CDH3: variants seen among roughly 807,000 people sequenced by gnomAD.
CDH3 encodes cadherin 3, also known as cadherin-3.
In CDH3, 54 loss-of-function variants were observed where a neutral mutation model predicts 82.0. That is an observed-to-expected ratio of 0.66 (90% CI 0.53 to 0.83). The LOEUF (loss-of-function observed/expected upper bound fraction) is 0.83, where lower values mean the gene tolerates loss of function less well. Among genes scored for constraint, CDH3 ranks in the 40% least tolerant of loss-of-function variants. The pLI, the probability that CDH3 is intolerant of heterozygous loss-of-function variation, is 0.00. For missense variants in CDH3, 1,054 were observed against 1,084.6 expected (o/e 0.97, Z 0.40); for synonymous variants, 446 against 437.9 (o/e 1.02, Z -0.23).
At chr16:68,732,211 T>C (rs924091108), downstream of CDH3, among the ~76,000 whole-genome samples, 1 of 152,128 alleles carries the variant, frequency 6.6e-6, no homozygotes, top group African/African-American at 2.4e-5. Flanking sequence ...GAGCCTCCTC[T>C]ACCCTACCTA....
At chr16:68,682,211 G>A in intron 8 of CDH3, 91 bp from the exon 9 acceptor site, 1 of 1,407,474 alleles carries the variant, frequency 7.1e-7, no homozygotes. Flanking sequence ...AAAGGCATGG[G>A]GATCCCCTGA....
intron 1 of CDH3, among the ~76,000 whole-genome samples, chr16:68,714,486 C>A (rs1045900524): frequency 2.0e-5 from 3 of 152,310 alleles, no homozygotes; most frequent in Non-Finnish European, 4.4e-5. Flanking sequence ...GCCAAAATGT[C>A]ATTTTTTTCC....
rs921430188 is a variant in CDH3 at position 68,699,948 on chromosome 16, C to G, written c.*1548C>G. 1.3e-5 allele frequency: 2 copies of G among 152,218 alleles called. No individual in the cohort carries two copies. Among genetic ancestry groups the G allele is most frequent in the Non-Finnish European group, 2.9e-5 (2 of 68,038 alleles). 9.4% of individuals were successfully genotyped at this position (152,218 alleles called of 1,614,324 possible). A position where few individuals can be genotyped will look rare whatever the true frequency, so the allele number is the denominator to read the frequency against. The stretch of plus-strand genomic sequence containing the variant: ...TTATTCAGTACTTTTAAAGGCCAGA[C>G]AGGACTTCGATTATTTCCTCTAAAT... On this transcript the variant is annotated 3_prime_UTR_variant, in exon 16 of 16. Coordinates refer to ENST00000264012, the MANE Select transcript of CDH3 (RefSeq NM_001793.6).
chr16:68,667,403 C>T (rs199845363), intron 2 of CDH3, among the ~76,000 whole-genome samples: 59 of 152,166 alleles, frequency 3.9e-4, no homozygotes, highest in Non-Finnish European at 7.8e-4. Flanking sequence ...TTCCTCTAGT[C>T]AAAATACCCA....
intron 2 of CDH3, among the ~76,000 whole-genome samples, chr16:68,663,683 A>G (rs1960659421): frequency 6.6e-6 from 1 of 152,022 alleles, no homozygotes; most frequent in African/African-American, 2.4e-5. Context: ...GAAGGGGCCT[A>G]AGTCTTGGTG....
chr16:68,658,221 A>G (rs999384998), intron 2 of CDH3, among the ~76,000 whole-genome samples: 5 of 152,072 alleles, frequency 3.3e-5, no homozygotes, highest in Non-Finnish European at 5.9e-5. Context: ...TAGAGAAGCT[A>G]GAACTACTGT....
chr16:68,725,141 A>G (rs1478177916), intron 2 of CDH3, among the ~76,000 whole-genome samples: 1 of 152,146 alleles, frequency 6.6e-6, no homozygotes, highest in Non-Finnish European at 1.5e-5. Context: ...GAGGACACCC[A>G]GTCAGCCACA....
At chr16:68,651,310 G>A (rs1266171403) in intron 2 of CDH3, 2 of 550,490 alleles carry the variant, frequency 3.6e-6, no homozygotes, top group Admixed American at 1.9e-5. Flanking sequence ...CATGTGGCTG[G>A]CGCACTTGTT....
chr16:68,687,251 C>T (rs934202649), intron 11 of CDH3, among the ~76,000 whole-genome samples: 1 of 152,130 alleles, frequency 6.6e-6, no homozygotes, highest in African/African-American at 2.4e-5. Context: ...ACTGGAGTAA[C>T]CCTGAAGTAG....
At chr16:68,678,965 A>T in intron 6 of CDH3, 59 bp downstream of exon 6, 1 of 1,549,988 alleles carries the variant, frequency 6.5e-7, no homozygotes, top group Non-Finnish European at 8.9e-7. Flanking sequence ...AAATGCTAAA[A>T]GATCCCACCA....
intron 1 of CDH3, among the ~76,000 whole-genome samples, chr16:68,712,637 TG>T (rs1962044892): frequency 6.6e-6 from 1 of 151,758 alleles, no homozygotes; most frequent in African/African-American, 2.4e-5. Flanking sequence ...GGGAGAACGG[TG>T]GGAGAACTTG....
downstream of CDH3, among the ~76,000 whole-genome samples, chr16:68,728,871 G>T (rs902383128): frequency 6.6e-6 from 1 of 152,130 alleles, no homozygotes; most frequent in South Asian, 2.1e-4. Flanking sequence ...CTATGGGAGC[G>T]CCCGGCAACA....
downstream of CDH3, among the ~76,000 whole-genome samples, chr16:68,703,122 C>G (rs1418500014): frequency 6.6e-6 from 1 of 152,206 alleles, no homozygotes; most frequent in Non-Finnish European, 1.5e-5. Context: ...TCCCTCGTCA[C>G]TGACCCAACG....
chr16:68,724,954 G>C (rs1026651292), intron 2 of CDH3, among the ~76,000 whole-genome samples: 5 of 152,118 alleles, frequency 3.3e-5, no homozygotes, highest in Non-Finnish European at 7.3e-5. Flanking sequence ...TTATCTCTCC[G>C]TCCCAAGTAG....
intron 11 of CDH3, chr16:68,686,525 G>A: frequency 8.9e-7 from 1 of 1,124,158 alleles, no homozygotes; most frequent in Non-Finnish European, 1.4e-6. Flanking sequence ...AGTTGCTGTT[G>A]GATCGGATTC....
downstream of CDH3, among the ~76,000 whole-genome samples, chr16:68,704,243 C>T (rs1189936906): frequency 3.3e-5 from 5 of 150,352 alleles, no homozygotes; most frequent in Admixed American, 2.6e-4. Flanking sequence ...GCCGAGATTG[C>T]GCCACTGCAC....
chr16:68,655,525 A>G (rs1201207715), intron 2 of CDH3, among the ~76,000 whole-genome samples: 2 of 152,168 alleles, frequency 1.3e-5, no homozygotes, highest in Admixed American at 6.5e-5. Flanking sequence ...GGGACAGACA[A>G]ATAAGTACAA....
intron 2 of CDH3, 55 bp from the exon 3 acceptor site, chr16:68,676,330 G>A: frequency 7.6e-7 from 1 of 1,313,016 alleles, no homozygotes; most frequent in Non-Finnish European, 1.1e-6. Flanking sequence ...TTTTCCTGGG[G>A]CAACTTCCAG....
chr16:68,673,412 TCATTAGG>T (rs1266369334), intron 2 of CDH3, among the ~76,000 whole-genome samples: 2 of 152,060 alleles, frequency 1.3e-5, no homozygotes, highest in African/African-American at 4.8e-5. Flanking sequence ...AACTCTGTAC[TCATTAGG>T]CATTAGGTAG....
Sources: allele counts gnomAD v4.1 joint callset (sites outside exome capture counted in the v4.1 genomes callset), GRCh38; gene constraint gnomAD v4.1.1; transcripts MANE v1.5; gene names NCBI Gene and HGNC (gene_info 2026-07-23, HGNC 2026-07-21).